CAMTA1: variants seen among roughly 807,000 people sequenced by gnomAD.
The protein encoded by CAMTA1 is calmodulin binding transcription activator 1.
In CAMTA1, 27 loss-of-function variants were observed where a neutral mutation model predicts 170.9. That is an observed-to-expected ratio of 0.16 (90% CI 0.12 to 0.22). The LOEUF (loss-of-function observed/expected upper bound fraction) is 0.22. CAMTA1 is among the 10% of genes least tolerant of loss of function. CAMTA1 has a pLI of 1.00. For synonymous variants in CAMTA1, 833 were observed against 891.5 expected, an observed-to-expected ratio of 0.93 and a Z score of 1.17; for missense variants, 1,619 against 2,217.2, an observed-to-expected ratio of 0.73 and a Z score of 5.42.
intron 5 of CAMTA1, among the ~76,000 whole-genome samples, chr1:7,322,286 T>G (rs1447149194): frequency 6.6e-6 from 1 of 152,248 alleles, no homozygotes; most frequent in Non-Finnish European, 1.5e-5. Context: ...CTTTCTCATT[T>G]GGTTTCCAAT....
At chr1:7,309,853 A>G (rs1676191649) in intron 5 of CAMTA1, among the ~76,000 whole-genome samples, 1 of 151,758 alleles carries the variant, frequency 6.6e-6, no homozygotes. Flanking sequence ...CTCACCCCTT[A>G]TATTTTAGTT....
At chr1:7,465,928 A>T (rs1322354585) in intron 5 of CAMTA1, among the ~76,000 whole-genome samples, 1 of 152,240 alleles carries the variant, frequency 6.6e-6, no homozygotes, top group South Asian at 2.1e-4. Context: ...AGGGAAAGTC[A>T]TTGCAAAGTC....
At chr1:7,467,720 C>A in intron 5 of CAMTA1, 110 bp from the exon 6 acceptor site, 1 of 993,752 alleles carries the variant, frequency 1.0e-6, no homozygotes, top group South Asian at 1.3e-5. Flanking sequence ...TCTCCCTGGG[C>A]CGCTGCCAGG....
At chr1:7,541,253 C>T (rs932680386) in intron 6 of CAMTA1, among the ~76,000 whole-genome samples, 1 of 152,216 alleles carries the variant, frequency 6.6e-6, no homozygotes, top group Admixed American at 6.5e-5. Context: ...CATGGGCAAG[C>T]CCCCTGCCTG....
At chr1:7,498,281 A>G (rs1160010286) in intron 6 of CAMTA1, among the ~76,000 whole-genome samples, 1 of 146,058 alleles carries the variant, frequency 6.8e-6, no homozygotes, top group Non-Finnish European at 1.5e-5. Context: ...TGTGAGTGTG[A>G]GCGTGTATGA....
At chr1:7,510,908 A>C (rs1575722428) in intron 6 of CAMTA1, among the ~76,000 whole-genome samples, 1 of 143,008 alleles carries the variant, frequency 7.0e-6, no homozygotes, top group Admixed American at 7.0e-5. Flanking sequence ...TGCCAGCGTG[A>C]CCCTGCCCCA....
chr1:7,033,609 T>TTTTC (rs1703112320), intron 3 of CAMTA1, among the ~76,000 whole-genome samples: 1 of 148,002 alleles, frequency 6.8e-6, no homozygotes, highest in African/African-American at 2.5e-5. Context: ...TTTTTTTTTT[T>TTTTC]TGATACAGAG....
At position 7,642,183 on chromosome 1, in the gene CAMTA1, G is replaced by A. The variant is rs917312552; in HGVS notation, c.664+1630G>A. On this transcript the variant is annotated intron_variant, in intron 7 of 22. Transcript: ENST00000303635. The surrounding 1 kb of genome is among the most constrained non-coding windows in gnomAD (Gnocchi z 6.3). ...CACGGGGGAGATGTCAGCTTCCCGC[G>A]CTTCATCAGGAGGGGCCTCGTGAGC... Among the ~76,000 whole-genome samples the A allele has an allele frequency of 2.0e-5, 3 of 152,176 alleles. No individual in the cohort carries two copies. Among genetic ancestry groups the A allele is most frequent in the Non-Finnish European group, 4.4e-5 (3 of 68,024 alleles).
intron 3 of CAMTA1, among the ~76,000 whole-genome samples, chr1:6,831,140 C>G (rs1230795433): frequency 2.0e-5 from 3 of 151,994 alleles, no homozygotes; most frequent in Non-Finnish European, 4.4e-5. Context: ...TTCTTAATGA[C>G]TATTAGTATG....
chr1:7,594,222 GAAGGAAGGAAGGAAGGAAGA>G (rs1301894598), intron 6 of CAMTA1, among the ~76,000 whole-genome samples: 38 of 150,828 alleles, frequency 2.5e-4, no homozygotes, highest in African/African-American at 8.9e-4. Flanking sequence ...AGGAAGGAAG[GAAGGAAGGAAGGAAGGAAGA>G]AAGAAAAGAA....
intron 3 of CAMTA1, among the ~76,000 whole-genome samples, chr1:6,942,636 G>C (rs1686839533): frequency 6.6e-6 from 1 of 152,164 alleles, no homozygotes; most frequent in Admixed American, 6.5e-5. Context: ...TCCAGCCTGG[G>C]TGACAGAGTG....
chr1:7,452,195 A>G (rs1392222717), intron 5 of CAMTA1, among the ~76,000 whole-genome samples: 1 of 152,138 alleles, frequency 6.6e-6, no homozygotes, highest in East Asian at 1.9e-4. Flanking sequence ...AGTTGAACAG[A>G]TAGACTCACG....
At chr1:7,578,657 C>A (rs573700181) in intron 6 of CAMTA1, among the ~76,000 whole-genome samples, 5 of 152,304 alleles carry the variant, frequency 3.3e-5, no homozygotes, top group Admixed American at 6.5e-5. Context: ...GGGTAACTTA[C>A]AATGAGCAGA....
rs534375025 is a variant in CAMTA1 at position 7,573,602 on chromosome 1, C to T, written c.511-66798C>T. ...AGCCTATGCCCGGCCTCCCCGCCTC[C>T]GCTGGCTCCTGGCAAGCATTGGTAC... On this transcript the variant is annotated intron_variant, in intron 6 of 22. Coordinates refer to ENST00000303635, the MANE Select transcript of CAMTA1 (RefSeq NM_015215.4). Among the ~76,000 whole-genome samples the T allele has an allele frequency of 1.2e-4, 19 of 152,346 alleles. No individual in the cohort carries two copies. In the East Asian group the frequency reaches 1.4e-3, roughly 11 times the overall value.
chr1:7,548,023 C>T (rs928925615), intron 6 of CAMTA1, among the ~76,000 whole-genome samples: 1 of 152,230 alleles, frequency 6.6e-6, no homozygotes, highest in African/African-American at 2.4e-5. Context: ...TCCTGCCACA[C>T]ATATGCTGGC....
intron 4 of CAMTA1, among the ~76,000 whole-genome samples, chr1:7,210,156 G>A (rs1251158065): frequency 6.6e-6 from 1 of 152,158 alleles, no homozygotes; most frequent in Non-Finnish European, 1.5e-5. Context: ...TCCTTTATTA[G>A]CAAAATACAA....
At chr1:7,425,806 C>A (rs1362357688) in intron 5 of CAMTA1, among the ~76,000 whole-genome samples, 1 of 152,114 alleles carries the variant, frequency 6.6e-6, no homozygotes, top group African/African-American at 2.4e-5. Context: ...GACGAGGGGA[C>A]TCCCAGTCTC....
At chr1:6,820,147 G>A in intron 1 of CAMTA1, 34 bp from the exon 2 acceptor site, 1 of 1,245,948 alleles carries the variant, frequency 8.0e-7, no homozygotes, top group Non-Finnish European at 1.2e-6. Context: ...CTTTTTGAAA[G>A]ATTAGTTTTA....
At chr1:6,813,633 T>G (rs1225577674) in intron 1 of CAMTA1, among the ~76,000 whole-genome samples, 1 of 152,134 alleles carries the variant, frequency 6.6e-6, no homozygotes, top group East Asian at 1.9e-4. Flanking sequence ...TTAAAAATTT[T>G]TTTTAGAGAT....
Sources: allele counts gnomAD v4.1 joint callset (sites outside exome capture counted in the v4.1 genomes callset), GRCh38; gene constraint gnomAD v4.1.1; non-coding constraint Gnocchi (gnomAD v3.1); transcripts MANE v1.5; gene names NCBI Gene and HGNC (gene_info 2026-07-23, HGNC 2026-07-21).